The following NEBL variants were observed in gnomAD, a reference collection of about 807,000 sequenced individuals.
NEBL encodes nebulette.
A neutral mutation model predicts 140.2 loss-of-function variants in NEBL; 122 were observed. The ratio of observed to expected loss-of-function variants is 0.87; its 90% CI spans 0.75 to 1.01. NEBL has a LOEUF of 1.01. Ranked by LOEUF, NEBL falls within the 50% of genes least tolerant of loss-of-function variation. NEBL has a pLI of 0.00. For synonymous variants in NEBL, 436 were observed against 398.9 expected (o/e 1.09, Z -1.11); for missense variants, 1,365 against 1,231.3 (o/e 1.11, Z -1.62).
chr10:20,822,843 T>C (rs1023715157), intron 19 of NEBL, among the ~76,000 whole-genome samples: 7 of 152,176 alleles, frequency 4.6e-5, no homozygotes, highest in African/African-American at 1.7e-4. Flanking sequence ...CATAGACATA[T>C]TGCATAGTGG....
At position 20,786,038 on chromosome 10, in the gene NEBL, A is replaced by G. The variant is rs551691048; in HGVS notation, c.2869-115T>C. The G allele has an allele frequency of 7.1e-5, 72 of 1,010,758 alleles. No individual in the cohort carries two copies. In the African/African-American group the frequency reaches 1.0e-3, roughly 14 times the overall value. The allele number at this position is 1,010,758 out of a possible 1,614,324, so 62.6% of individuals were successfully genotyped here. A position where few individuals can be genotyped will look rare whatever the true frequency, so the allele number is the denominator to read the frequency against. ...AACTATTAGGAATGTTTTCAAACAC[A>G]TGTATCTCTGGAAATCTGTAAACCT... On this transcript the variant is annotated intron_variant, in intron 27 of 27. Transcript: ENST00000377122.
chr10:21,168,931 C>T (rs938761721), intron 2 of NEBL, among the ~76,000 whole-genome samples: 4 of 149,832 alleles, frequency 2.7e-5, no homozygotes, highest in African/African-American at 9.8e-5. Context: ...CGCCCCTAGT[C>T]CCAGCTACTC....
chr10:20,798,030 G>T (rs1006131402), intron 26 of NEBL, among the ~76,000 whole-genome samples: 24 of 151,510 alleles, frequency 1.6e-4, no homozygotes, highest in Admixed American at 4.6e-4. Context: ...TTGACCTCAG[G>T]AGTTAGAGGT....
intron 2 of NEBL, chr10:21,030,700 G>A: frequency 2.1e-6 from 1 of 474,706 alleles, no homozygotes; most frequent in Non-Finnish European, 4.1e-6. Flanking sequence ...CTCTAGCCAT[G>A]GTCCAGGAGA....
intron 3 of NEBL, among the ~76,000 whole-genome samples, chr10:21,224,080 G>T (rs1842111662): frequency 6.6e-6 from 1 of 152,014 alleles, no homozygotes; most frequent in Non-Finnish European, 1.5e-5. Context: ...AGTGCATGTG[G>T]AATTTGCCAC....
At position 20,858,338 on chromosome 10, in the gene NEBL, A is replaced by G. The variant is rs1176557513; in HGVS notation, c.805T>C (p.Tyr269His). 1.9e-6 allele frequency: 3 copies of G among 1,593,304 alleles called. No homozygotes were observed. The highest frequency in any genetic ancestry group is 2.2e-5 in the East Asian group (1 of 44,784). Residue 269 changes from tyrosine (Y) to histidine (H), a missense_variant, in exon 9 of 28, where the codon TAC (tyrosine) becomes CAC (histidine). Physicochemically the swap from Tyr to His is moderately conservative, Grantham distance 83. Transcript: ENST00000377122. ...TGCATATTTTGAATGTCTTTCTTGT[A>G]CTTCACCTATGAAAATAACATGGAA... ...LAATLASNVK[Y>H]KKDIQNMHDP...
chr10:21,187,367 C>G (rs1841492582), intron 3 of NEBL, among the ~76,000 whole-genome samples: 1 of 152,062 alleles, frequency 6.6e-6, no homozygotes, highest in South Asian at 2.1e-4. Context: ...TTGGGGGAAG[C>G]CTGAAATTGG....
In NEBL at chr10:20,831,228, G is replaced by A. The variant is rs149647815; in HGVS notation, c.1639C>T (p.Arg547Ter). 57 of 1,613,002 alleles carry A rather than the reference G, an allele frequency of 3.5e-5. No homozygotes were observed. The highest frequency in any genetic ancestry group is 1.6e-4 in the Middle Eastern group (1 of 6,080). ...QVSMDIPDIL[R>*]AKRTSEIYSQ... ...TAGATTTCAGATGTCCTCTTGGCTC[G>A]AAGGATATCTGGGATATCCATGCTC... The change falls in exon 16 of 28, where the codon CGA becomes TGA. Residue 547 changes from arginine to a stop codon, truncating the protein, a stop_gained. Coordinates refer to ENST00000377122, the MANE Select transcript of NEBL (RefSeq NM_006393.3). LOFTEE classifies it high-confidence loss of function.
intron 4 of NEBL, among the ~76,000 whole-genome samples, chr10:20,902,960 C>T (rs1234929123): frequency 6.6e-6 from 1 of 152,170 alleles, no homozygotes; most frequent in Admixed American, 6.5e-5. Context: ...CAGGACTATA[C>T]TGTTCTTTCA....
chr10:21,037,774 T>A (rs539315637), intron 2 of NEBL, among the ~76,000 whole-genome samples: 1 of 151,972 alleles, frequency 6.6e-6, no homozygotes, highest in African/African-American at 2.4e-5. Flanking sequence ...GGAATGAACA[T>A]TCAAGATAAA....
chr10:21,274,204 C>A (rs776084123), intron 1 of NEBL, among the ~76,000 whole-genome samples: 5 of 152,138 alleles, frequency 3.3e-5, no homozygotes, highest in Non-Finnish European at 7.3e-5. Flanking sequence ...GGTTCTCAGT[C>A]CAACATCCTT....
At chr10:21,116,218 A>G (rs988051093) in intron 2 of NEBL, among the ~76,000 whole-genome samples, 1 of 152,122 alleles carries the variant, frequency 6.6e-6, no homozygotes, top group Non-Finnish European at 1.5e-5. Context: ...GGGTGGCTTA[A>G]ACAACAGATA....
chr10:21,080,046 G>A (rs916154585), intron 2 of NEBL, among the ~76,000 whole-genome samples: 1 of 152,202 alleles, frequency 6.6e-6, no homozygotes. Flanking sequence ...AGAATTCTAT[G>A]ATGTCTCAGC....
At chr10:20,903,460 T>A (rs7910946) in intron 4 of NEBL, among the ~76,000 whole-genome samples, 10,888 of 152,140 alleles carry the variant, frequency 0.072, 1,200 homozygotes, top group African/African-American at 0.24. Context: ...AATATGAAGC[T>A]TTTTTAAAGA....
chr10:21,137,453 G>A (rs1470578955), intron 2 of NEBL, among the ~76,000 whole-genome samples: 2 of 152,168 alleles, frequency 1.3e-5, no homozygotes, highest in South Asian at 4.1e-4. Context: ...GGACCAATCT[G>A]GTTTTGCCCT....
intron 2 of NEBL, among the ~76,000 whole-genome samples, chr10:21,073,850 A>G (rs924673154): frequency 3.3e-5 from 5 of 152,044 alleles, no homozygotes; most frequent in Non-Finnish European, 7.4e-5. Context: ...CAAGATGGGC[A>G]GATCACGAGG....
chr10:20,909,685 A>G (rs2131459015), intron 4 of NEBL, among the ~76,000 whole-genome samples: 1 of 152,194 alleles, frequency 6.6e-6, no homozygotes, highest in East Asian at 1.9e-4. Flanking sequence ...GCAAAAAGCT[A>G]ATGAAGATAA....
intron 20 of NEBL, among the ~76,000 whole-genome samples, chr10:20,818,537 T>C (rs1838964258): frequency 6.6e-6 from 1 of 152,254 alleles, no homozygotes; most frequent in African/African-American, 2.4e-5. Flanking sequence ...CTTGATACTA[T>C]GTCTTAGAAT....
At chr10:21,098,250 G>T (rs1042574700) in intron 2 of NEBL, among the ~76,000 whole-genome samples, 38 of 151,990 alleles carry the variant, frequency 2.5e-4, no homozygotes, top group Non-Finnish European at 5.9e-5. Flanking sequence ...ACACACACTT[G>T]TACACATTCA....
Sources: gnomAD v4.1 joint callset for allele counts (sites outside exome capture counted in the v4.1 genomes callset) on GRCh38, gnomAD v4.1.1 for gene constraint, MANE v1.5 for transcripts, NCBI Gene and HGNC (gene_info 2026-07-23, HGNC 2026-07-21) for gene names.